Variants in ERC1 observed in about 807,000 individuals in gnomAD.
ERC1 encodes the protein ELKS/RAB6-interacting/CAST family member 1.
In ERC1, 56 loss-of-function variants were observed where a neutral mutation model predicts 132.0. That is an observed-to-expected ratio of 0.42 (90% confidence interval 0.34 to 0.53). The LOEUF (loss-of-function observed/expected upper bound fraction) is 0.53, where lower values mean the gene tolerates loss of function less well. Ranked by LOEUF, ERC1 falls within the 20% of genes least tolerant of loss-of-function variation. The pLI is 0.03. For missense variants in ERC1, 1,202 were observed against 1,349.9 expected (o/e 0.89, Z 1.72); for synonymous variants, 478 against 476.1 (o/e 1.00, Z -0.05).
intron 16 of ERC1, among the ~76,000 whole-genome samples, chr12:1,401,169 T>C (rs12314081): frequency 0.31 from 46,218 of 151,486 alleles, 7,473 homozygotes; most frequent in African/African-American, 0.35. Context: ...CTCCTGACCT[T>C]GTGATCCGCC....
intron 2 of ERC1, among the ~76,000 whole-genome samples, chr12:1,054,565 G>A (rs1197709679): frequency 6.6e-6 from 1 of 152,000 alleles, no homozygotes; most frequent in Non-Finnish European, 1.5e-5. Context: ...AGTGTTAGCT[G>A]TTTTTCTCCT....
intron 2 of ERC1, among the ~76,000 whole-genome samples, chr12:1,044,518 T>C (rs1231947110): frequency 6.6e-6 from 1 of 152,196 alleles, no homozygotes; most frequent in African/African-American, 2.4e-5. Flanking sequence ...AATACTTGTA[T>C]TGTTGTTGGA....
intron 3 of ERC1, among the ~76,000 whole-genome samples, chr12:1,100,542 A>G (rs573360750): frequency 6.6e-6 from 1 of 152,176 alleles, no homozygotes; most frequent in Admixed American, 6.5e-5. Flanking sequence ...GAGCAGTGTG[A>G]TGGTGGAGGT....
intron 18 of ERC1, among the ~76,000 whole-genome samples, chr12:1,482,781 A>G (rs2094118642): frequency 6.6e-6 from 1 of 152,150 alleles, no homozygotes; most frequent in Non-Finnish European, 1.5e-5. Context: ...TATAATTTAC[A>G]TACATACAAC....
intron 16 of ERC1, among the ~76,000 whole-genome samples, chr12:1,372,860 G>A (rs73040882): frequency 0.06 from 9,185 of 152,194 alleles, 314 homozygotes; most frequent in South Asian, 0.12. Flanking sequence ...TATTTTTGGA[G>A]GTCAGTCATC....
chr12:1,484,124 T>A, intron 18 of ERC1, among the ~76,000 whole-genome samples: 2 of 151,392 alleles, frequency 1.3e-5, no homozygotes, highest in Non-Finnish European at 1.5e-5. Flanking sequence ...GCTAACATGG[T>A]GAAACCCCAT....
At chr12:1,290,659 AAAT>A (rs1487724431) in intron 15 of ERC1, among the ~76,000 whole-genome samples, 1 of 152,108 alleles carries the variant, frequency 6.6e-6, no homozygotes, top group African/African-American at 2.4e-5. Context: ...TGTCTTTTGA[AAAT>A]CCAGTTGTAC....
chr12:1,105,481 C>T (rs933216630), intron 4 of ERC1, among the ~76,000 whole-genome samples: 1 of 152,112 alleles, frequency 6.6e-6, no homozygotes, highest in African/African-American at 2.4e-5. Flanking sequence ...CCTCAGCCTC[C>T]CAAGTAGCTG....
intron 18 of ERC1, among the ~76,000 whole-genome samples, chr12:1,480,024 A>G (rs2154431073): frequency 6.6e-6 from 1 of 151,930 alleles, no homozygotes; most frequent in African/African-American, 2.4e-5. Context: ...GTATACTTGT[A>G]CATGTGTCAT....
chr12:998,134 A>G (rs529537116), intron 1 of ERC1, among the ~76,000 whole-genome samples: 2 of 152,282 alleles, frequency 1.3e-5, no homozygotes, highest in African/African-American at 4.8e-5. Context: ...TGACTTCTCA[A>G]CCTATTTCTG....
intron 8 of ERC1, among the ~76,000 whole-genome samples, chr12:1,142,106 T>C (rs530639195): frequency 6.6e-6 from 1 of 152,284 alleles, no homozygotes; most frequent in South Asian, 2.1e-4. Flanking sequence ...TGTACCAAAT[T>C]GGTTTAGTAC....
At chr12:1,464,511 CTTTTTTTTTTTTTTT>C (rs34542821) in intron 18 of ERC1, among the ~76,000 whole-genome samples, 2,325 of 67,722 alleles carry the variant, frequency 0.034, 83 homozygotes, top group African/African-American at 0.12. Context: ...ATGCAAAAGC[CTTTTTTTTTTTTTTT>C]TTTTTTTTTT....
chr12:1,107,035 A>G (rs914682259), intron 4 of ERC1, among the ~76,000 whole-genome samples: 1 of 152,204 alleles, frequency 6.6e-6, no homozygotes, highest in Non-Finnish European at 1.5e-5. Flanking sequence ...TGATTGAAGT[A>G]AAAGAGCCCA....
At chr12:1,348,958 A>T (rs1595155485) in intron 15 of ERC1, among the ~76,000 whole-genome samples, 1 of 152,146 alleles carries the variant, frequency 6.6e-6, no homozygotes, top group South Asian at 2.1e-4. Context: ...TCATGTGCTT[A>T]TACAGTCCAA....
intron 3 of ERC1, among the ~76,000 whole-genome samples, chr12:1,095,211 C>G (rs776937506): frequency 2.0e-5 from 3 of 152,120 alleles, no homozygotes; most frequent in Admixed American, 6.5e-5. Flanking sequence ...GGGCAGATCA[C>G]TTGAGGTCAG....
intron 16 of ERC1, among the ~76,000 whole-genome samples, chr12:1,404,122 C>T (rs918306289): frequency 6.6e-6 from 1 of 152,150 alleles, no homozygotes; most frequent in Admixed American, 6.5e-5. Context: ...ATTTATTGCT[C>T]ACCATTTTGG....
intron 10 of ERC1, among the ~76,000 whole-genome samples, chr12:1,182,589 T>C (rs1379669044): frequency 6.6e-6 from 1 of 152,214 alleles, no homozygotes. Flanking sequence ...ATTTTCTTTC[T>C]AATATCTTTA....
chr12:1,155,531 A>C lies in ERC1; in HGVS notation c.1737+13744A>C, dbSNP rs1054124952. ...CGCTCTGTCGCCCAGGCTGGATTGCAGTGGCGCCATCTCGGCTCACTGCAA... is the reference window on the plus strand; with the variant it reads ...CGCTCTGTCGCCCAGGCTGGATTGCCGTGGCGCCATCTCGGCTCACTGCAA... On this transcript the variant is annotated intron_variant, in intron 8 of 18. Transcript: ENST00000360905. Among the ~76,000 whole-genome samples the C allele has an allele frequency of 4.6e-5, 7 of 151,578 alleles. No individual in the cohort carries two copies. In the East Asian group the frequency reaches 1.4e-3, roughly 29 times the overall value.
intron 18 of ERC1, among the ~76,000 whole-genome samples, chr12:1,486,417 C>CTTTAT (rs75172865): frequency 4.0e-5 from 6 of 151,082 alleles, no homozygotes; most frequent in East Asian, 2.0e-4. Context: ...GCACTTTTTA[C>CTTTAT]TTTATTTTAT....
Sources: allele counts gnomAD v4.1 joint callset (sites outside exome capture counted in the v4.1 genomes callset), GRCh38; gene constraint gnomAD v4.1.1; transcripts MANE v1.5; gene names NCBI Gene and HGNC (gene_info 2026-07-23, HGNC 2026-07-21).